ZNF423: variants seen among roughly 807,000 people sequenced by gnomAD.
ZNF423 encodes the protein Ebf-associated zinc finger protein.
A neutral mutation model predicts 95.8 loss-of-function variants in ZNF423; 12 were observed. The ratio of observed to expected loss-of-function variants is 0.13; its 90% CI spans 0.08 to 0.20. ZNF423 has a LOEUF of 0.20. Among genes scored for constraint, ZNF423 ranks in the 10% least tolerant of loss-of-function variants. ZNF423 has a pLI of 1.00. For missense variants in ZNF423, 1,316 were observed against 1,737.1 expected, an observed-to-expected ratio of 0.76 and a Z score of 4.31; for synonymous variants, 749 against 711.9, an observed-to-expected ratio of 1.05 and a Z score of -0.83.
At chr16:49,763,700 C>G (rs1418036246) in intron 2 of ZNF423, among the ~76,000 whole-genome samples, 1 of 152,250 alleles carries the variant, frequency 6.6e-6, no homozygotes, top group East Asian at 1.9e-4. Flanking sequence ...CACGAGTCAC[C>G]CACACTTGGG....
intron 2 of ZNF423, among the ~76,000 whole-genome samples, chr16:49,788,679 G>A (rs1213463904): frequency 6.6e-6 from 1 of 152,194 alleles, no homozygotes; most frequent in Non-Finnish European, 1.5e-5. Flanking sequence ...GAAAAAGCTG[G>A]TCAGGATCCC....
intron 7 of ZNF423, among the ~76,000 whole-genome samples, chr16:49,498,804 G>T (rs553929956): frequency 6.6e-6 from 1 of 152,204 alleles, no homozygotes; most frequent in South Asian, 2.1e-4. Context: ...ATTTTTAGAA[G>T]AATTTGACAA....
intron 5 of ZNF423, among the ~76,000 whole-genome samples, chr16:49,624,578 A>C (rs1972197208): frequency 6.6e-6 from 1 of 152,154 alleles, no homozygotes; most frequent in African/African-American, 2.4e-5. Context: ...AAACCAAAAC[A>C]AAAGAAGACA....
intron 3 of ZNF423, among the ~76,000 whole-genome samples, chr16:49,688,477 G>T (rs1328345790): frequency 1.3e-5 from 2 of 152,162 alleles, no homozygotes; most frequent in East Asian, 3.9e-4. Flanking sequence ...CCCGAGTGAC[G>T]GGAACCTTCA....
intron 2 of ZNF423, among the ~76,000 whole-genome samples, chr16:49,742,226 C>T (rs554818643): frequency 1.3e-5 from 2 of 152,164 alleles, no homozygotes; most frequent in South Asian, 4.2e-4. Context: ...ACAAAATCCC[C>T]GGAAGGTAAA....
In ZNF423 at chr16:49,636,556, G is replaced by C. The variant is rs199903698; in HGVS notation, c.2620C>G (p.Pro874Ala). 8.3e-5 allele frequency: 134 copies of C among 1,613,826 alleles called. No homozygotes were observed. The highest frequency in any genetic ancestry group is 1.1e-4 in the Non-Finnish European group (132 of 1,180,028). The change falls in exon 4 of 8, where the codon CCT becomes GCT. Residue 874 changes from proline (P) to alanine (A), a missense_variant. Coordinates refer to ENST00000563137, the MANE Select transcript of ZNF423 (RefSeq NM_001379286.1). This position sits in a 1 kb window ranked among gnomAD's most constrained non-coding sequence, Gnocchi z 8.6. ...GCCTCATGGCTGTTAGGTGCCTCAG[G>C]GTTCTTAAGCAGCATGCCCTGCAGG... ...ADLQGMLLKN[P>A]EAPNSHEASE...
chr16:49,701,325 T>C (rs543121457), intron 3 of ZNF423, among the ~76,000 whole-genome samples: 1 of 152,322 alleles, frequency 6.6e-6, no homozygotes, highest in East Asian at 1.9e-4. Flanking sequence ...AGCAAAATGC[T>C]TGCAAAAAAG....
At chr16:49,776,003 G>A (rs1210895915) in intron 2 of ZNF423, among the ~76,000 whole-genome samples, 1 of 152,232 alleles carries the variant, frequency 6.6e-6, no homozygotes, top group Non-Finnish European at 1.5e-5. Flanking sequence ...AATGCTCCCT[G>A]CCTGACCCTG....
intron 2 of ZNF423, among the ~76,000 whole-genome samples, chr16:49,734,275 G>C (rs2033234758): frequency 6.6e-6 from 1 of 152,226 alleles, no homozygotes; most frequent in Admixed American, 6.5e-5. Context: ...CAGCCCCAGA[G>C]GCCCCTCAAC....
At chr16:49,656,040 C>T (rs1053190638) in intron 3 of ZNF423, among the ~76,000 whole-genome samples, 4 of 151,812 alleles carry the variant, frequency 2.6e-5, no homozygotes, top group Non-Finnish European at 5.9e-5. Flanking sequence ...ACCTAGGGAC[C>T]CGAGTCAAAG....
At chr16:49,558,398 C>T (rs1467456725) in intron 5 of ZNF423, among the ~76,000 whole-genome samples, 1 of 152,196 alleles carries the variant, frequency 6.6e-6, no homozygotes, top group East Asian at 1.9e-4. Context: ...AGTTCCATGG[C>T]ATGAAAAAGG....
At chr16:49,655,665 T>C (rs1043113544) in intron 3 of ZNF423, among the ~76,000 whole-genome samples, 2 of 152,146 alleles carry the variant, frequency 1.3e-5, no homozygotes, top group African/African-American at 4.8e-5. Flanking sequence ...CAGCTTTTCC[T>C]CCACTTTTGG....
intron 1 of ZNF423, among the ~76,000 whole-genome samples, chr16:49,841,947 A>G (rs1281417568): frequency 6.6e-6 from 1 of 152,158 alleles, no homozygotes; most frequent in African/African-American, 2.4e-5. Flanking sequence ...AGAAGAAGAA[A>G]GAAAAATGGC....
intron 7 of ZNF423, among the ~76,000 whole-genome samples, chr16:49,513,967 G>T (rs896593371): frequency 5.9e-5 from 9 of 152,008 alleles, no homozygotes; most frequent in Non-Finnish European, 1.3e-4. Context: ...TGCGAGGCCA[G>T]CCCAGGAGAA....
intron 7 of ZNF423, among the ~76,000 whole-genome samples, chr16:49,505,841 C>T (rs6500228): frequency 0.21 from 31,327 of 152,100 alleles, 3,355 homozygotes; most frequent in African/African-American, 0.29. Context: ...TCAAATGCCT[C>T]GTCTGCCCTC....
chr16:49,788,689 C>G (rs1266359484), intron 2 of ZNF423, among the ~76,000 whole-genome samples: 2 of 152,192 alleles, frequency 1.3e-5, no homozygotes, highest in East Asian at 3.9e-4. Context: ...GTCAGGATCC[C>G]AGGGCAGGCC....
chr16:49,600,648 C>T (rs917928539), intron 5 of ZNF423, among the ~76,000 whole-genome samples: 16 of 152,212 alleles, frequency 1.1e-4, no homozygotes, highest in Admixed American at 3.3e-4. Flanking sequence ...TCCCCTCTCT[C>T]GTGGGGAGCA....
chr16:49,553,552 G>T (rs376695072), intron 5 of ZNF423, among the ~76,000 whole-genome samples: 2 of 152,180 alleles, frequency 1.3e-5, no homozygotes, highest in South Asian at 2.1e-4. Context: ...TTGCTAGGTT[G>T]CCCAGGCTGG....
intron 5 of ZNF423, among the ~76,000 whole-genome samples, chr16:49,590,112 G>A (rs1455425080): frequency 1.3e-5 from 2 of 149,342 alleles, no homozygotes; most frequent in South Asian, 2.2e-4. Context: ...CTTGGAGTAA[G>A]GCAACCTGGG....
Sources: gnomAD v4.1 joint callset for allele counts (sites outside exome capture counted in the v4.1 genomes callset) on GRCh38, gnomAD v4.1.1 for gene constraint, Gnocchi (gnomAD v3.1) non-coding constraint, MANE v1.5 for transcripts, NCBI Gene and HGNC (gene_info 2026-07-23, HGNC 2026-07-21) for gene names.